KCNIP4: variants seen among roughly 807,000 people sequenced by gnomAD.
KCNIP4 encodes the protein potassium voltage-gated channel interacting protein 4.
A neutral mutation model predicts 34.0 loss-of-function variants in KCNIP4; 12 were observed. The ratio of observed to expected loss-of-function variants is 0.35; its 90% CI spans 0.23 to 0.57. The LOEUF is 0.57. Among genes scored for constraint, KCNIP4 ranks in the 20% least tolerant of loss-of-function variants. The pLI, the probability that KCNIP4 is intolerant of heterozygous loss-of-function variation, is 0.83. For synonymous variants in KCNIP4, 124 were observed against 102.2 expected (o/e 1.21, Z -1.29); for missense variants, 238 against 311.7 (o/e 0.76, Z 1.78).
chr4:21,649,628 A>G (rs1320307951), intron 1 of KCNIP4, among the ~76,000 whole-genome samples: 1 of 152,144 alleles, frequency 6.6e-6, no homozygotes. Flanking sequence ...GTAATTATTT[A>G]TTGGCTATTT....
chr4:21,252,659 A>G (rs1760798295), intron 1 of KCNIP4, among the ~76,000 whole-genome samples: 1 of 152,146 alleles, frequency 6.6e-6, no homozygotes, highest in Non-Finnish European at 1.5e-5. Flanking sequence ...CATGCTGTCA[A>G]TCAATAATGA....
chr4:21,762,902 A>G (rs1018004197), intron 1 of KCNIP4: 3 of 1,285,016 alleles, frequency 2.3e-6, no homozygotes, highest in Non-Finnish European at 3.0e-6. Context: ...GGTGGATGGA[A>G]TTGGAGGGAA....
chr4:21,335,993 ATATATT>A (rs982410946), intron 1 of KCNIP4, among the ~76,000 whole-genome samples: 5 of 152,084 alleles, frequency 3.3e-5, no homozygotes, highest in African/African-American at 1.2e-4. Context: ...GTCCTCACAC[ATATATT>A]TATATTTTTT....
At chr4:20,800,604 T>C (rs965909664) in intron 3 of KCNIP4, among the ~76,000 whole-genome samples, 6 of 152,166 alleles carry the variant, frequency 3.9e-5, no homozygotes, top group African/African-American at 1.2e-4. Flanking sequence ...AGAAATCTTA[T>C]AGCTAGTGAA....
chr4:21,719,195 C>G (rs1714609476), intron 1 of KCNIP4, among the ~76,000 whole-genome samples: 1 of 152,046 alleles, frequency 6.6e-6, no homozygotes. Flanking sequence ...GAATATAAGA[C>G]AGAAAGTAAG....
At chr4:21,120,849 T>A (rs1277294506) in intron 1 of KCNIP4, among the ~76,000 whole-genome samples, 1 of 152,162 alleles carries the variant, frequency 6.6e-6, no homozygotes. Flanking sequence ...CCCACCTCAA[T>A]GACTTCAATT....
intron 1 of KCNIP4, among the ~76,000 whole-genome samples, chr4:21,362,369 C>T (rs1719320707): frequency 6.6e-6 from 1 of 151,976 alleles, no homozygotes; most frequent in African/African-American, 2.4e-5. Context: ...GCCATTCTGC[C>T]AACTGCTGTT....
At chr4:21,412,674 C>G (rs906604421) in intron 1 of KCNIP4, among the ~76,000 whole-genome samples, 5 of 152,136 alleles carry the variant, frequency 3.3e-5, no homozygotes, top group African/African-American at 7.2e-5. Flanking sequence ...TATGTAGATG[C>G]CTTTTAAATC....
intron 1 of KCNIP4, among the ~76,000 whole-genome samples, chr4:20,973,946 C>T (rs563984321): frequency 3.6e-4 from 55 of 152,068 alleles, no homozygotes; most frequent in South Asian, 1.5e-3. Context: ...TCTAGTAATA[C>T]CAAAGATCAC....
chr4:21,852,419 T>C (rs1190429241), intron 1 of KCNIP4: 1 of 152,212 alleles, frequency 6.6e-6, no homozygotes, highest in Non-Finnish European at 1.5e-5. Flanking sequence ...GAACTGAGAA[T>C]GTTTACCTCT....
chr4:20,805,359 T>C (rs1714948148), intron 3 of KCNIP4, among the ~76,000 whole-genome samples: 4 of 152,044 alleles, frequency 2.6e-5, no homozygotes, highest in Admixed American at 2.6e-4. Flanking sequence ...AAAGTTGCTG[T>C]TCCCTTTAAT....
At chr4:21,456,751 G>T in intron 1 of KCNIP4, among the ~76,000 whole-genome samples, 1 of 127,768 alleles carries the variant, frequency 7.8e-6, no homozygotes, top group East Asian at 2.1e-4. Flanking sequence ...GACTATTGCT[G>T]GGTGGTCCCC....
intron 1 of KCNIP4, among the ~76,000 whole-genome samples, chr4:21,862,383 A>C (rs915119408): frequency 6.6e-6 from 1 of 152,214 alleles, no homozygotes; most frequent in Non-Finnish European, 1.5e-5. Context: ...TCAGAATAAA[A>C]TAAAATTCTC....
At chr4:21,568,744 A>AACTT (rs1200339104) in intron 1 of KCNIP4, among the ~76,000 whole-genome samples, 3 of 152,002 alleles carry the variant, frequency 2.0e-5, no homozygotes, top group African/African-American at 7.2e-5. Context: ...TGGGCTTCCC[A>AACTT]ACTTTTGAGT....
chr4:21,379,227 C>T (rs1204806409), intron 1 of KCNIP4, among the ~76,000 whole-genome samples: 1 of 152,150 alleles, frequency 6.6e-6, no homozygotes, highest in Non-Finnish European at 1.5e-5. Flanking sequence ...GAATCTTTCA[C>T]TATTTTGAAT....
chr4:21,361,033 CG>C (rs1719167111), intron 1 of KCNIP4, among the ~76,000 whole-genome samples: 2 of 148,498 alleles, frequency 1.3e-5, no homozygotes, highest in South Asian at 4.3e-4. Context: ...TCATCATTAT[CG>C]TCATCATCAT....
chr4:20,764,495 G>A (rs759145509), intron 3 of KCNIP4, among the ~76,000 whole-genome samples: 1 of 151,932 alleles, frequency 6.6e-6, no homozygotes, highest in East Asian at 1.9e-4. Flanking sequence ...TGCACTTGTG[G>A]TTTCTTCTTT....
Position 20,871,257 on chromosome 4 carries a change from T to C in KCNIP4, c.163+11351A>G, listed in dbSNP as rs1723428772. 1.3e-5 allele frequency among the ~76,000 whole-genome samples: 2 copies of C among 152,098 alleles called. 1 individual carries two copies. The highest frequency in any genetic ancestry group is 4.1e-4 in the South Asian group (2 of 4,830). On this transcript the variant is annotated intron_variant, in intron 2 of 8. Coordinates refer to ENST00000382152, the MANE Select transcript of KCNIP4 (RefSeq NM_025221.6). ...AAATTCTAATGGAAGAGTCACCAAT[T>C]GGACATCGGAGTGGCAATGTCAAGT...
chr4:21,888,473 T>C (rs1412872476), intron 1 of KCNIP4, among the ~76,000 whole-genome samples: 1 of 152,082 alleles, frequency 6.6e-6, no homozygotes, highest in Non-Finnish European at 1.5e-5. Flanking sequence ...TCCATAATAA[T>C]GTTGCACCCA....
Sources: gnomAD v4.1 joint callset for allele counts (sites outside exome capture counted in the v4.1 genomes callset) on GRCh38, gnomAD v4.1.1 for gene constraint, MANE v1.5 for transcripts, NCBI Gene and HGNC (gene_info 2026-07-23, HGNC 2026-07-21) for gene names.